ITPR2: variants seen among roughly 807,000 people sequenced by gnomAD.
The protein encoded by ITPR2 is inositol 1,4,5-trisphosphate receptor type 2.
Under a neutral mutation model 317.1 loss-of-function variants are expected in ITPR2, and 207 were observed. That is an observed-to-expected ratio of 0.65 (90% confidence interval 0.58 to 0.73). The LOEUF (loss-of-function observed/expected upper bound fraction) is 0.73, where lower values mean the gene tolerates loss of function less well. Among genes scored for constraint, ITPR2 ranks in the 30% least tolerant of loss-of-function variants. ITPR2 has a pLI of 0.00. For missense variants in ITPR2, 2,613 were observed against 3,284.0 expected (o/e 0.80, Z 4.99); for synonymous variants, 1,156 against 1,149.1 (o/e 1.01, Z -0.12).
chr12:26,747,848 C>A (rs1357109615), intron 2 of ITPR2, among the ~76,000 whole-genome samples: 2 of 152,130 alleles, frequency 1.3e-5, no homozygotes, highest in Admixed American at 6.5e-5. Context: ...TTTCATTAAC[C>A]TTTTTTCATT....
chr12:26,526,009 T>C lies in ITPR2; in HGVS notation c.5073+24238A>G, dbSNP rs146013900. Among the ~76,000 whole-genome samples, 29 of 152,326 alleles carry C rather than the reference T, an allele frequency of 1.9e-4. No individual in the cohort carries two copies. In the East Asian group the frequency reaches 5.0e-3, roughly 26 times the overall value. On this transcript the variant is annotated intron_variant, in intron 37 of 56. Coordinates refer to ENST00000381340, the MANE Select transcript of ITPR2 (RefSeq NM_002223.4). ...TCAGGTGTTGCTCCCTACAATACTA[T>C]GCACACTTTATCTCCAGCTCTTTGC... is the stretch of plus-strand genomic sequence containing the variant.
chr12:26,461,939 T>A (rs2136785491), intron 45 of ITPR2, among the ~76,000 whole-genome samples: 1 of 150,438 alleles, frequency 6.6e-6, no homozygotes, highest in African/African-American at 2.5e-5. Context: ...TATTTCCCTT[T>A]CCGAAGCCTG....
At chr12:26,509,958 TTGTGTGTG>T (rs56063133) in intron 37 of ITPR2, among the ~76,000 whole-genome samples, 2,155 of 53,290 alleles carry the variant, frequency 0.04, 82 homozygotes, top group African/African-American at 0.089. Context: ...GATAAGGGTT[TTGTGTGTG>T]TGTGTGTGTG....
At chr12:26,661,939 T>C (rs987237763) in intron 15 of ITPR2, among the ~76,000 whole-genome samples, 1 of 152,146 alleles carries the variant, frequency 6.6e-6, no homozygotes, top group Non-Finnish European at 1.5e-5. Flanking sequence ...CATCTTGCCA[T>C]CTTAAAGGAA....
At chr12:26,611,144 GA>G (rs1286755437) in intron 26 of ITPR2, among the ~76,000 whole-genome samples, 3 of 152,200 alleles carry the variant, frequency 2.0e-5, no homozygotes, top group Non-Finnish European at 4.4e-5. Flanking sequence ...ATGGCCCATA[GA>G]AATTGGACTG....
At chr12:26,535,498 T>C (rs1381552966) in intron 37 of ITPR2, among the ~76,000 whole-genome samples, 1 of 152,210 alleles carries the variant, frequency 6.6e-6, no homozygotes, top group African/African-American at 2.4e-5. Context: ...GGAGAACACC[T>C]TGGCTATCAC....
Position 26,477,009 on chromosome 12 carries a change from T to C in ITPR2, c.6124-2A>G. 6.3e-7 allele frequency: 1 copy of C among 1,590,712 alleles called. No homozygotes were observed. Among genetic ancestry groups the C allele is most frequent in the Non-Finnish European group, 8.6e-7 (1 of 1,159,568 alleles). ...CAGCAAAAGTTTAGATGCATTGTTC[T>C]AGAGACACAGATTGAGTTAATGTGC... is the stretch of plus-strand genomic sequence containing the variant. On this transcript the variant is annotated splice_acceptor_variant, in intron 43 of 56. Transcript: ENST00000381340. LOFTEE classifies it high-confidence loss of function.
chr12:26,432,274 T>C (rs1418231335), intron 48 of ITPR2, among the ~76,000 whole-genome samples: 3 of 152,224 alleles, frequency 2.0e-5, no homozygotes, highest in African/African-American at 7.2e-5. Flanking sequence ...TCTTTCTTTG[T>C]CTTTCATAAG....
intron 2 of ITPR2, among the ~76,000 whole-genome samples, chr12:26,772,703 C>T (rs1197789524): frequency 6.6e-6 from 1 of 150,446 alleles, no homozygotes. Flanking sequence ...GGTGTATATT[C>T]GATAAATCTG....
chr12:26,350,474 T>A (rs1380177330), intron 55 of ITPR2, among the ~76,000 whole-genome samples: 3 of 152,196 alleles, frequency 2.0e-5, no homozygotes, highest in Non-Finnish European at 4.4e-5. Flanking sequence ...ATGGTGGCTC[T>A]TAATTGCTTG....
intron 25 of ITPR2, 99 bp downstream of exon 25, chr12:26,622,141 A>G: frequency 9.5e-7 from 1 of 1,052,338 alleles, no homozygotes; most frequent in Non-Finnish European, 1.3e-6. Context: ...AGGAAAAGCC[A>G]CACAGTGTCA....
intron 11 of ITPR2, among the ~76,000 whole-genome samples, chr12:26,685,314 G>A (rs576169654): frequency 5.1e-4 from 77 of 152,318 alleles, no homozygotes; most frequent in African/African-American, 1.8e-3. Context: ...GTCAAATTCA[G>A]CCTGGGCGTG....
At chr12:26,430,371 C>A (rs1233175144) in intron 48 of ITPR2, among the ~76,000 whole-genome samples, 5 of 152,216 alleles carry the variant, frequency 3.3e-5, no homozygotes, top group Admixed American at 2.6e-4. Context: ...TCAAGTGATT[C>A]TCCTGCCTCA....
At chr12:26,469,580 T>C (rs1408942845) in intron 45 of ITPR2, among the ~76,000 whole-genome samples, 2 of 152,204 alleles carry the variant, frequency 1.3e-5, no homozygotes, top group African/African-American at 4.8e-5. Context: ...CTGCGTAGCT[T>C]ATATCACCAT....
At chr12:26,711,328 A>T (rs2137022656) in intron 8 of ITPR2, 60 bp from the exon 9 acceptor site, 1 of 1,155,346 alleles carries the variant, frequency 8.7e-7, no homozygotes, top group Non-Finnish European at 1.3e-6. Flanking sequence ...GCAAGCAAAC[A>T]CCAACAGTTT....
intron 1 of ITPR2, among the ~76,000 whole-genome samples, chr12:26,828,577 A>G (rs1386573070): frequency 6.6e-6 from 1 of 152,230 alleles, no homozygotes; most frequent in Non-Finnish European, 1.5e-5. Flanking sequence ...CTCAGGATAA[A>G]AGCATCAGAT....
At chr12:26,450,806 AGT>A (rs1941720529) in intron 45 of ITPR2, among the ~76,000 whole-genome samples, 1 of 152,084 alleles carries the variant, frequency 6.6e-6, no homozygotes, top group Non-Finnish European at 1.5e-5. Context: ...AAGAGGAGAT[AGT>A]TGTTTCCAGA....
chr12:26,772,415 T>TATATATATTATATATATAATATACACATA (rs1555189160), intron 2 of ITPR2, among the ~76,000 whole-genome samples: 1 of 120,974 alleles, frequency 8.3e-6, no homozygotes, highest in East Asian at 2.1e-4. Flanking sequence ...TATACACATT[T>TATATATATTATATATATAATATACACATA]ATATATATTA....
intron 41 of ITPR2, 109 bp downstream of exon 41, chr12:26,485,991 TATTG>T: frequency 4.3e-6 from 5 of 1,170,572 alleles, no homozygotes; most frequent in Middle Eastern, 2.1e-4. Flanking sequence ...CTATTGCTTT[TATTG>T]ATTATCTTTC....
Sources: gnomAD v4.1 joint callset for allele counts (sites outside exome capture counted in the v4.1 genomes callset) on GRCh38, gnomAD v4.1.1 for gene constraint, MANE v1.5 for transcripts, NCBI Gene and HGNC (gene_info 2026-07-23, HGNC 2026-07-21) for gene names.